Variants in SEPSECS observed in about 807,000 individuals in gnomAD.
The protein encoded by SEPSECS is O-phosphoseryl-tRNA(Sec) selenium transferase.
SEPSECS carries 42 observed loss-of-function variants against 52.1 expected under a neutral mutation model. That is an observed-to-expected ratio of 0.81 (90% CI 0.63 to 1.04). The LOEUF (loss-of-function observed/expected upper bound fraction) is 1.04. SEPSECS is among the 50% of genes least tolerant of loss of function. SEPSECS has a pLI of 0.00. For missense variants in SEPSECS, 590 were observed against 610.6 expected (o/e 0.97, Z 0.36); for synonymous variants, 216 against 211.4 (o/e 1.02, Z -0.19).
intron 6 of SEPSECS, among the ~76,000 whole-genome samples, chr4:25,148,507 A>T (rs982323217): frequency 1.3e-5 from 2 of 152,232 alleles, no homozygotes; most frequent in Middle Eastern, 3.2e-3. Flanking sequence ...GCACTCAACA[A>T]GACTCAAGTA....
rs34672005 is a variant in SEPSECS, at chr4:25,134,124, CAA to C, written c.1027-6769_1027-6768del. 2.1e-3 allele frequency among the ~76,000 whole-genome samples: 27 copies of C among 13,166 alleles called. No homozygotes were observed. The South Asian group carries it at 0.048, about 23-fold the overall frequency. 8.6% of individuals were successfully genotyped at this position (13,166 alleles called of 152,430 possible). On this transcript the variant is annotated intron_variant, in intron 8 of 10. Transcript: ENST00000382103. The stretch of plus-strand genomic sequence containing the variant: ...TGGGTGACAGAATGAGACCCCATCT[CAA>C]AAAAAAAAAAAAAAAAAAAAAAAAA...
chr4:25,154,137 A>G (rs997248349), intron 5 of SEPSECS, among the ~76,000 whole-genome samples: 10 of 152,180 alleles, frequency 6.6e-5, no homozygotes, highest in African/African-American at 2.4e-4. Flanking sequence ...CTTAAAATAG[A>G]GTTCACAGGC....
At chr4:25,159,939 G>A in intron 1 of SEPSECS, 1 of 985,322 alleles carries the variant, frequency 1.0e-6, no homozygotes. Context: ...ATGGAGGTGC[G>A]AACTTTGCCC....
At chr4:25,129,697 A>G (rs1022567637) in intron 8 of SEPSECS, among the ~76,000 whole-genome samples, 10 of 151,932 alleles carry the variant, frequency 6.6e-5, no homozygotes, top group African/African-American at 9.7e-5. Flanking sequence ...TCTTAACCCA[A>G]TATTCCCATA....
At chr4:25,157,795 T>C (rs1274741840) in intron 2 of SEPSECS, among the ~76,000 whole-genome samples, 6 of 149,670 alleles carry the variant, frequency 4.0e-5, no homozygotes, top group Non-Finnish European at 7.5e-5. Flanking sequence ...TCCGCCCGCC[T>C]TGGCCTCCCA....
In SEPSECS at chr4:25,127,340, CA is replaced by C. The variant is rs1419508373; in HGVS notation, c.1043del (p.Leu348CysfsTer5). 6.2e-7 allele frequency: 1 copy of C among 1,612,182 alleles called. No homozygotes were observed. Among genetic ancestry groups the C allele is most frequent in the Admixed American group, 1.7e-5 (1 of 60,002 alleles). ...LKERKEMFSY[L>X]SNQIKKLSEA... is the part of the protein sequence containing the mutation. ...CTGACAACTTCTTTATTTGGTTGGA[CA>C]AATATGAAAACATTTCCTGCAACAA... On this transcript the variant is annotated frameshift_variant, in exon 9 of 11. Transcript: ENST00000382103. LOFTEE classifies it high-confidence loss of function.
At chr4:25,134,587 T>G (rs1728756857) in intron 8 of SEPSECS, among the ~76,000 whole-genome samples, 1 of 152,092 alleles carries the variant, frequency 6.6e-6, no homozygotes, top group South Asian at 2.1e-4. Context: ...AGGACCAAGT[T>G]TCATTTCAGA....
chr4:25,144,359 T>C (rs1021496465), intron 8 of SEPSECS, among the ~76,000 whole-genome samples: 71 of 150,218 alleles, frequency 4.7e-4, no homozygotes, highest in African/African-American at 1.7e-3. Flanking sequence ...TAGAGCTAAC[T>C]TCTGACCTGA....
chr4:25,152,283 A>G (rs924299330), intron 5 of SEPSECS, among the ~76,000 whole-genome samples: 17 of 152,062 alleles, frequency 1.1e-4, no homozygotes, highest in South Asian at 4.1e-4. Context: ...TTTTAAATTA[A>G]TGTTATCAAT....
chr4:25,138,793 G>C (rs1374877610), intron 8 of SEPSECS, among the ~76,000 whole-genome samples: 1 of 152,154 alleles, frequency 6.6e-6, no homozygotes, highest in Non-Finnish European at 1.5e-5. Context: ...ACATGAATCT[G>C]CACCAAAATT....
At position 25,123,372 on chromosome 4, in the gene SEPSECS, C is replaced by G. The variant is rs1728211674; in HGVS notation, c.*559G>C. 1 of 160,220 alleles carries G rather than the reference C, an allele frequency of 6.2e-6. No homozygotes were observed. The highest frequency in any genetic ancestry group is 2.4e-5 in the African/African-American group (1 of 41,482). The allele number at this position is 160,220 out of a possible 1,614,324, so 9.9% of individuals were successfully genotyped here. A position where few individuals can be genotyped will look rare whatever the true frequency, so the allele number is the denominator to read the frequency against. Reference sequence around the variant, plus strand: ...ACAGCATCCCACCAGTTGTGACAACCAAAAATGTCTGCAGATGCTGTTCAG... The same window carrying G: ...ACAGCATCCCACCAGTTGTGACAACGAAAAATGTCTGCAGATGCTGTTCAG... On this transcript the variant is annotated 3_prime_UTR_variant, in exon 11 of 11. Coordinates refer to ENST00000382103, the MANE Select transcript of SEPSECS (RefSeq NM_016955.4).
intron 6 of SEPSECS, among the ~76,000 whole-genome samples, chr4:25,151,252 T>C (rs1712284312): frequency 6.6e-6 from 1 of 152,104 alleles, no homozygotes; most frequent in South Asian, 2.1e-4. Context: ...CGCAACTCTC[T>C]AGAAGAGCAA....
intron 8 of SEPSECS, among the ~76,000 whole-genome samples, chr4:25,143,241 G>C (rs1463686936): frequency 6.6e-6 from 1 of 152,092 alleles, no homozygotes; most frequent in Non-Finnish European, 1.5e-5. Context: ...CGGGATGTCT[G>C]TTTTTTAGGT....
In SEPSECS at chr4:25,144,826, G is replaced by C. The variant is rs1461368206; in HGVS notation, c.974C>G (p.Thr325Ser). The C allele has an allele frequency of 4.3e-6, 7 of 1,613,250 alleles. No individual in the cohort carries two copies. The change falls in exon 8 of 11, where the codon ACT becomes AGT. Residue 325 changes from threonine to serine, a missense_variant. Thr to Ser is a moderately conservative substitution (Grantham distance 58). Transcript: ENST00000382103. Reference sequence around the variant, plus strand: ...GCCATTTGATCCAAGTGACAATAAAGTAATAAGGACATCTAAAGAAGGTGA... The same window carrying C: ...GCCATTTGATCCAAGTGACAATAAACTAATAAGGACATCTAAAGAAGGTGA... ...SASPSLDVLI[T>S]LLSLGSNGYK...
rs1728058518 is a variant in SEPSECS at position 25,120,114 on chromosome 4, G to A, written c.*3817C>T. ...ATTTTTGGAAACATCTTTTCCTTTTGGTAAAACAGGTTAGCAGGCTGACAT... is the reference window on the plus strand; with the variant it reads ...ATTTTTGGAAACATCTTTTCCTTTTAGTAAAACAGGTTAGCAGGCTGACAT... On this transcript the variant is annotated 3_prime_UTR_variant, in exon 11 of 11. Transcript: ENST00000382103. 1 of 151,820 alleles carries A rather than the reference G, an allele frequency of 6.6e-6. No individual in the cohort carries two copies. The highest frequency in any genetic ancestry group is 2.4e-5 in the African/African-American group (1 of 41,348). 9.4% of individuals were successfully genotyped at this position (151,820 alleles called of 1,614,324 possible). A position where few individuals can be genotyped will look rare whatever the true frequency, so the allele number is the denominator to read the frequency against.
chr4:25,152,864 TAA>T lies in SEPSECS; in HGVS notation c.702-804_702-803del, dbSNP rs1429526080. ...AAATCCTATGTTTTAGTAAAATTAT[TAA>T]AAGTTTTCTTTCTAAAGTATAAAGA... On this transcript the variant is annotated intron_variant, in intron 5 of 10. Coordinates refer to ENST00000382103, the MANE Select transcript of SEPSECS (RefSeq NM_016955.4). 3.9e-5 allele frequency among the ~76,000 whole-genome samples: 6 copies of T among 152,126 alleles called. No individual in the cohort carries two copies. The East Asian group carries it at 5.8e-4, about 15-fold the overall frequency.
chr4:25,159,744 C>G (rs1712939504), intron 1 of SEPSECS: 1 of 981,484 alleles, frequency 1.0e-6, no homozygotes, highest in South Asian at 2.1e-5. Context: ...TGCATTCCAG[C>G]CTGGGCGAAA....
chr4:25,151,822 G>A (rs1171327727), intron 6 of SEPSECS, 138 bp downstream of exon 6: 6 of 655,936 alleles, frequency 9.1e-6, no homozygotes, highest in African/African-American at 7.2e-5. Context: ...ATTATCAGAT[G>A]TAAGTTCCTA....
At chr4:25,157,093 GAT>G in intron 2 of SEPSECS, 119 bp from the exon 3 acceptor site, 2 of 732,380 alleles carry the variant, frequency 2.7e-6, no homozygotes, top group Non-Finnish European at 5.0e-6. Context: ...GGCTGTTACA[GAT>G]ATATGTCACA....
Sources: gnomAD v4.1 joint callset for allele counts (sites outside exome capture counted in the v4.1 genomes callset) on GRCh38, gnomAD v4.1.1 for gene constraint, MANE v1.5 for transcripts, NCBI Gene and HGNC (gene_info 2026-07-23, HGNC 2026-07-21) for gene names.